The following RGMA variants were observed in gnomAD, a reference collection of about 807,000 sequenced individuals.
RGMA encodes repulsive guidance molecule BMP co-receptor a.
Under a neutral mutation model 23.2 loss-of-function variants are expected in RGMA, and 10 were observed. The observed-to-expected ratio is 0.43, with a 90% CI of 0.27 to 0.73. RGMA has a LOEUF of 0.73. Among genes scored for constraint, RGMA ranks in the 30% least tolerant of loss-of-function variants. RGMA has a pLI of 0.20. For synonymous variants in RGMA, 308 were observed against 279.3 expected (o/e 1.10, Z -1.03); for missense variants, 547 against 630.5 (o/e 0.87, Z 1.42).
chr15:93,085,814 C>T (rs1895626496), intron 1 of RGMA, among the ~76,000 whole-genome samples: 1 of 152,222 alleles, frequency 6.6e-6, no homozygotes, highest in South Asian at 2.1e-4. Context: ...TAACATGATA[C>T]AGCACTTCTA....
rs937906335 is a variant in RGMA, at chr15:93,045,321, C to A, written c.1030G>T (p.Ala344Ser). 1.9e-6 allele frequency: 3 copies of A among 1,611,982 alleles called. No individual in the cohort carries two copies. Among genetic ancestry groups the A allele is most frequent in the Non-Finnish European group, 8.5e-7 (1 of 1,179,562 alleles). ...GGGGCTGTGGGTGCAGGGCTGGCGGCTGCCAGCCTGCGGGCACCGGTGCCC... is the reference window on the plus strand; with the variant it reads ...GGGGCTGTGGGTGCAGGGCTGGCGGATGCCAGCCTGCGGGCACCGGTGCCC... ...AEGTGARRLAAASPAPTAPET... is the reference protein window; with the variant it reads ...AEGTGARRLASASPAPTAPET... The change falls in exon 4 of 4, where the codon GCC (alanine) becomes TCC (serine). Residue 344 changes from alanine to serine, a missense_variant. This residue lies in a region of RGMA where 205 missense variants were observed against 204.1 expected (regional missense o/e 1.00). Coordinates refer to ENST00000329082, the MANE Select transcript of RGMA (RefSeq NM_020211.3). This position sits in a 1 kb window ranked among gnomAD's most constrained non-coding sequence, Gnocchi z 6.9.
intron 1 of RGMA, among the ~76,000 whole-genome samples, chr15:93,076,986 G>T (rs1352788795): frequency 6.6e-6 from 1 of 152,230 alleles, no homozygotes; most frequent in Non-Finnish European, 1.5e-5. Flanking sequence ...TTGGGGTGCA[G>T]GGAGGGGAAA....
In RGMA at chr15:93,045,163, G is replaced by A. The variant is rs535938921; in HGVS notation, c.1188C>T (p.Tyr396=). 22 of 1,606,782 alleles carry A rather than the reference G, an allele frequency of 1.4e-5. 1 individual carries two copies. The highest frequency in any genetic ancestry group is 3.3e-5 in the South Asian group (3 of 89,788). The change falls in exon 4 of 4, where the codon TAC becomes TAT. Residue 396 remains tyrosine (Y), a synonymous_variant. Coordinates refer to ENST00000329082, the MANE Select transcript of RGMA (RefSeq NM_020211.3). This position sits in a 1 kb window ranked among gnomAD's most constrained non-coding sequence, Gnocchi z 6.9. The part of the protein sequence containing the change: ...GDVNFTLAAY[Y]ALEDVKMLHS... ...GGAGCATCTTGACATCCTCCAACGC[G>A]TAGTAGGCGGCCAGTGTGAAGTTCA... is the stretch of plus-strand genomic sequence containing the variant.
At chr15:93,080,608 C>A (rs1426916852) in intron 1 of RGMA, among the ~76,000 whole-genome samples, 1 of 152,172 alleles carries the variant, frequency 6.6e-6, no homozygotes, top group Non-Finnish European at 1.5e-5. Flanking sequence ...TTGCTCTGAA[C>A]AGAAGCAACG....
intron 1 of RGMA, among the ~76,000 whole-genome samples, chr15:93,087,603 G>A (rs1264481478): frequency 6.6e-6 from 1 of 152,040 alleles, no homozygotes; most frequent in Admixed American, 6.5e-5. Context: ...AGGGGTCATG[G>A]CTCAAAATCC....
chr15:93,073,254 C>T (rs551274720), intron 1 of RGMA: 10 of 1,008,776 alleles, frequency 9.9e-6, no homozygotes, highest in Admixed American at 4.8e-5. Context: ...CAGCCGCCTG[C>T]GCACCGCCCC....
intron 1 of RGMA, among the ~76,000 whole-genome samples, chr15:93,086,527 G>GA (rs199973326): frequency 2.6e-5 from 4 of 152,168 alleles, no homozygotes; most frequent in Non-Finnish European, 5.9e-5. Flanking sequence ...GTTGTAGGGG[G>GA]AAAAACGCAC....
At chr15:93,049,536 T>C (rs1009248458) in intron 3 of RGMA, among the ~76,000 whole-genome samples, 1 of 152,082 alleles carries the variant, frequency 6.6e-6, no homozygotes, top group African/African-American at 2.4e-5. Flanking sequence ...CTGGCTAAAA[T>C]GTCCACGTAG....
At chr15:93,051,357 C>T (rs892555798) in intron 3 of RGMA, among the ~76,000 whole-genome samples, 2 of 152,222 alleles carry the variant, frequency 1.3e-5, no homozygotes, top group African/African-American at 2.4e-5. Flanking sequence ...CAGGGGGCAC[C>T]GGTGGGCCGG....
In RGMA at chr15:93,045,271, G is replaced by A. The variant is rs377264912; in HGVS notation, c.1080C>T (p.Ala360=). Residue 360 remains alanine (A), a synonymous_variant, in exon 4 of 4, where the codon GCC becomes GCT. Coordinates refer to ENST00000329082, the MANE Select transcript of RGMA (RefSeq NM_020211.3). This position sits in a 1 kb window ranked among gnomAD's most constrained non-coding sequence, Gnocchi z 6.9. The part of the protein sequence containing the change: ...TAPETFPYET[A]VAKCKEKLPV... ...GCAGCTTCTCCTTGCACTTGGCCACGGCTGTCTCGTATGGGAAGGTCTCGG... is the reference window on the plus strand; with the variant it reads ...GCAGCTTCTCCTTGCACTTGGCCACAGCTGTCTCGTATGGGAAGGTCTCGG... 6.6e-5 allele frequency: 106 copies of A among 1,613,008 alleles called. 1 individual carries two copies. The African/African-American group carries it at 8.7e-4, about 13-fold the overall frequency.
chr15:93,079,604 G>A (rs928558201), intron 1 of RGMA, among the ~76,000 whole-genome samples: 1 of 152,198 alleles, frequency 6.6e-6, no homozygotes, highest in African/African-American at 2.4e-5. Flanking sequence ...CCGATTACCT[G>A]AGGTCAGGAG....
Position 93,039,241 on chromosome 15 carries a change from C to T in RGMA, c.*5757G>A, listed in dbSNP as rs2054695885. The T allele has an allele frequency of 6.6e-6, 1 of 152,138 alleles. No homozygotes were observed. The allele number at this position is 152,138 out of a possible 1,614,324, so 9.4% of individuals were successfully genotyped here. A position where few individuals can be genotyped will look rare whatever the true frequency, so the allele number is the denominator to read the frequency against. ...TTCAGTGTCCCAAACCTGCTCCTCCCATGATCTTTCCAGTCATGGTAAATG... is the reference window on the plus strand; with the variant it reads ...TTCAGTGTCCCAAACCTGCTCCTCCTATGATCTTTCCAGTCATGGTAAATG... On this transcript the variant is annotated 3_prime_UTR_variant, in exon 4 of 4. Coordinates refer to ENST00000329082, the MANE Select transcript of RGMA (RefSeq NM_020211.3).
At chr15:93,052,610 G>C (rs2054946410) in intron 2 of RGMA, 103 bp from the exon 3 acceptor site, 2 of 1,285,028 alleles carry the variant, frequency 1.6e-6, no homozygotes, top group Non-Finnish European at 2.1e-6. Context: ...GCCTCATCTA[G>C]GGCAGAGCCA....
intron 1 of RGMA, among the ~76,000 whole-genome samples, chr15:93,078,580 A>C (rs1302746552): frequency 2.0e-5 from 3 of 152,138 alleles, no homozygotes; most frequent in African/African-American, 7.2e-5. Flanking sequence ...CATAACCTTC[A>C]AGGTTTTATA....
chr15:93,059,710 A>G (rs1435868435), intron 2 of RGMA, among the ~76,000 whole-genome samples: 2 of 152,168 alleles, frequency 1.3e-5, no homozygotes, highest in Non-Finnish European at 2.9e-5. Context: ...CCTCCACGGC[A>G]CTAAATCACC....
In RGMA at chr15:93,044,795, C is replaced by T. The variant is rs1194231652; in HGVS notation, c.*203G>A. On this transcript the variant is annotated 3_prime_UTR_variant, in exon 4 of 4. Coordinates refer to ENST00000329082, the MANE Select transcript of RGMA (RefSeq NM_020211.3). ...CCTCTCACACAGCTCTACTGTCAAA[C>T]ATCATGGCACCAGTCACCACAACCT... is the stretch of plus-strand genomic sequence containing the variant. 1 of 598,320 alleles carries T rather than the reference C, an allele frequency of 1.7e-6. No individual in the cohort carries two copies. The highest frequency in any genetic ancestry group is 1.9e-5 in the African/African-American group (1 of 53,848). The allele number at this position is 598,320 out of a possible 1,614,324, so 37.1% of individuals were successfully genotyped here. A position where few individuals can be genotyped will look rare whatever the true frequency, so the allele number is the denominator to read the frequency against.
At chr15:93,059,254 C>T (rs1272750313) in intron 2 of RGMA, among the ~76,000 whole-genome samples, 1 of 152,176 alleles carries the variant, frequency 6.6e-6, no homozygotes, top group Non-Finnish European at 1.5e-5. Context: ...CCTATGCAGC[C>T]GCAGACCCAT....
At chr15:93,075,693 C>T (rs891544304) in intron 1 of RGMA, among the ~76,000 whole-genome samples, 2 of 152,144 alleles carry the variant, frequency 1.3e-5, no homozygotes, top group Non-Finnish European at 1.5e-5. Context: ...GAATAGAACT[C>T]GGAAGAGGCC....
In RGMA at chr15:93,045,160, C is replaced by T. The variant is rs567190896; in HGVS notation, c.1191G>A (p.Ala397=). Residue 397 remains alanine (A), a synonymous_variant, in exon 4 of 4, where the codon GCG becomes GCA. Transcript: ENST00000329082. This position sits in a 1 kb window ranked among gnomAD's most constrained non-coding sequence, Gnocchi z 6.9. Reference sequence around the variant, plus strand: ...AGTGGAGCATCTTGACATCCTCCAACGCGTAGTAGGCGGCCAGTGTGAAGT... The same window carrying T: ...AGTGGAGCATCTTGACATCCTCCAATGCGTAGTAGGCGGCCAGTGTGAAGT... ...DVNFTLAAYY[A]LEDVKMLHSN... 2.5e-5 allele frequency: 40 copies of T among 1,606,032 alleles called. No homozygotes were observed. The East Asian group carries it at 3.4e-4, about 14-fold the overall frequency.
Sources: gnomAD v4.1 joint callset for allele counts (sites outside exome capture counted in the v4.1 genomes callset) on GRCh38, gnomAD v4.1.1 for gene constraint, gnomAD v4.1.1 regional missense constraint, Gnocchi (gnomAD v3.1) non-coding constraint, MANE v1.5 for transcripts, NCBI Gene and HGNC (gene_info 2026-07-23, HGNC 2026-07-21) for gene names.